The following MARCHF3 variants were observed in gnomAD, a reference collection of about 807,000 sequenced individuals.
MARCHF3 encodes membrane associated ring-CH-type finger 3.
MARCHF3 carries 13 observed loss-of-function variants against 24.2 expected under a neutral mutation model. That is an observed-to-expected ratio of 0.54 (90% CI 0.35 to 0.85). MARCHF3 has a LOEUF of 0.85. Among genes scored for constraint, MARCHF3 ranks in the 40% least tolerant of loss-of-function variants. The pLI, the probability that MARCHF3 is intolerant of heterozygous loss-of-function variation, is 0.01. For synonymous variants in MARCHF3, 144 were observed against 137.3 expected (o/e 1.05, Z -0.34); for missense variants, 276 against 325.0 (o/e 0.85, Z 1.16).
Position 126,899,933 on chromosome 5 carries a change from C to T in MARCHF3, c.393+14997G>A, listed in dbSNP as rs376217149. On this transcript the variant is annotated intron_variant, in intron 3 of 4. Coordinates refer to ENST00000308660, the MANE Select transcript of MARCHF3 (RefSeq NM_178450.5). ...CTACCTTGACACATCATCACCAAAG[C>T]TCATGCCTTACATTAGAGTTAACTC... Among the ~76,000 whole-genome samples the T allele has an allele frequency of 4.7e-4, 71 of 152,162 alleles. No homozygotes were observed. The South Asian group carries it at 0.015, about 32-fold the overall frequency.
intron 4 of MARCHF3, among the ~76,000 whole-genome samples, chr5:126,877,821 A>G (rs1420042724): frequency 6.6e-6 from 1 of 152,208 alleles, no homozygotes; most frequent in Non-Finnish European, 1.5e-5. Context: ...TTCATAATAT[A>G]CTACAATCCC....
intron 1 of MARCHF3, among the ~76,000 whole-genome samples, chr5:126,933,654 C>A (rs1749547528): frequency 6.6e-6 from 1 of 152,114 alleles, no homozygotes; most frequent in Non-Finnish European, 1.5e-5. Context: ...CCGTGTTAGC[C>A]AGGATGGTCT....
At position 126,878,239 on chromosome 5, in the gene MARCHF3, G is replaced by T; in HGVS notation, c.549C>A (p.Val183=). ...GTGCGACAGTGAGTGCAATCAGTCC[G>T]ACGGCTTCCAGCCGACTACTAAAGT... is the stretch of plus-strand genomic sequence containing the variant. ...HLHFSSRLEA[V]GLIALTVALF... Residue 183 remains valine (V), a synonymous_variant, in exon 4 of 5, where the codon GTC becomes GTA. Coordinates refer to ENST00000308660, the MANE Select transcript of MARCHF3 (RefSeq NM_178450.5). 1 of 1,614,242 alleles carries T rather than the reference G, an allele frequency of 6.2e-7. No individual in the cohort carries two copies. Among genetic ancestry groups the T allele is most frequent in the Non-Finnish European group, 8.5e-7 (1 of 1,180,044 alleles).
intron 1 of MARCHF3, among the ~76,000 whole-genome samples, chr5:126,945,439 G>A (rs1291766510): frequency 6.6e-6 from 1 of 152,230 alleles, no homozygotes; most frequent in Non-Finnish European, 1.5e-5. Context: ...GTGTCCTGGA[G>A]GAAATGAGGT....
intron 1 of MARCHF3, among the ~76,000 whole-genome samples, chr5:127,008,190 G>A (rs1032690528): frequency 4.6e-5 from 7 of 152,096 alleles, no homozygotes; most frequent in African/African-American, 1.7e-4. Flanking sequence ...CTCCACTCTG[G>A]AAACCTTGGT....
chr5:126,891,278 A>C, intron 3 of MARCHF3, among the ~76,000 whole-genome samples: 1 of 150,700 alleles, frequency 6.6e-6, no homozygotes, highest in Non-Finnish European at 1.5e-5. Flanking sequence ...GCTGTGCAGA[A>C]GCTCTTTAGT....
chr5:126,962,580 T>C (rs13183439), intron 1 of MARCHF3, among the ~76,000 whole-genome samples: 8,783 of 152,204 alleles, frequency 0.058, 332 homozygotes, highest in Non-Finnish European at 0.088. Context: ...TGCATTCTGA[T>C]AGTTCAATAT....
chr5:126,967,467 C>A (rs1321631966), intron 1 of MARCHF3, among the ~76,000 whole-genome samples: 1 of 152,088 alleles, frequency 6.6e-6, no homozygotes, highest in Non-Finnish European at 1.5e-5. Flanking sequence ...CCGAGGCAGG[C>A]GGATCACCTG....
intron 1 of MARCHF3, among the ~76,000 whole-genome samples, chr5:127,013,747 A>T (rs74858008): frequency 1.3e-5 from 2 of 152,194 alleles, no homozygotes. Context: ...TAATGAATCC[A>T]TCTATATAAG....
chr5:126,889,050 C>A (rs534835402), intron 3 of MARCHF3, among the ~76,000 whole-genome samples: 143 of 152,320 alleles, frequency 9.4e-4, no homozygotes, highest in Non-Finnish European at 1.8e-3. Flanking sequence ...CAGGTGTGAG[C>A]CACTGTGGCT....
At chr5:127,019,734 G>T (rs1752734630) in intron 1 of MARCHF3, among the ~76,000 whole-genome samples, 1 of 152,172 alleles carries the variant, frequency 6.6e-6, no homozygotes, top group South Asian at 2.1e-4. Context: ...AACCAATCCT[G>T]CCACCTGCCT....
intron 2 of MARCHF3, 119 bp from the exon 3 acceptor site, chr5:126,915,253 G>T (rs1329662241): frequency 2.2e-6 from 2 of 913,798 alleles, no homozygotes; most frequent in African/African-American, 1.7e-5. Flanking sequence ...AGACCTCTTA[G>T]ATCTACACTT....
At chr5:126,960,760 A>G (rs1055907478) in intron 1 of MARCHF3, among the ~76,000 whole-genome samples, 16 of 152,154 alleles carry the variant, frequency 1.1e-4, no homozygotes, top group African/African-American at 3.9e-4. Context: ...ATGCATTAAA[A>G]AAGAGAGAAC....
intron 3 of MARCHF3, among the ~76,000 whole-genome samples, chr5:126,906,320 G>T (rs1754294853): frequency 6.6e-6 from 1 of 152,314 alleles, no homozygotes; most frequent in East Asian, 1.9e-4. Context: ...TCAGGATGAT[G>T]CTGACCTCAT....
intron 1 of MARCHF3, among the ~76,000 whole-genome samples, chr5:126,987,029 A>G (rs1212845797): frequency 6.6e-6 from 1 of 152,190 alleles, no homozygotes. Context: ...CTGTGAGGGT[A>G]TTTGTGGATG....
At chr5:126,889,600 AG>A (rs2126774305) in intron 3 of MARCHF3, among the ~76,000 whole-genome samples, 1 of 152,248 alleles carries the variant, frequency 6.6e-6, no homozygotes, top group East Asian at 1.9e-4. Context: ...ACTTTGAAAA[AG>A]GGGAAATTTC....
In MARCHF3 at chr5:126,878,360, C is replaced by T. The variant is rs138413676; in HGVS notation, c.428G>A (p.Arg143Gln). ...LRNPGPQHEK[R>Q]TLFGDMVCFL... ...GCACACCATGTCGCCAAACAGAGTC[C>T]GCTTCTCATGCTGGGGGCCAGGGTT... The change falls in exon 4 of 5, where the codon CGG becomes CAG. Residue 143 changes from arginine to glutamine, a missense_variant. Coordinates refer to ENST00000308660, the MANE Select transcript of MARCHF3 (RefSeq NM_178450.5). The T allele has an allele frequency of 1.3e-4, 214 of 1,613,860 alleles. No individual in the cohort carries two copies. The highest frequency in any genetic ancestry group is 3.5e-4 in the African/African-American group (26 of 74,914).
At position 126,868,834 on chromosome 5, in the gene MARCHF3, G is replaced by T. The variant is rs747784713; in HGVS notation, c.*1799C>A. The T allele has an allele frequency of 1.3e-5, 2 of 152,230 alleles. No homozygotes were observed. Among genetic ancestry groups the T allele is most frequent in the Non-Finnish European group, 2.9e-5 (2 of 68,074 alleles). 9.4% of individuals were successfully genotyped at this position (152,230 alleles called of 1,614,324 possible). ...TGGAAATTTAATGTGTGGCAGCTGC[G>T]TGCAGCCGGTGATGTCCAGCATTTT... is the stretch of plus-strand genomic sequence containing the variant. On this transcript the variant is annotated 3_prime_UTR_variant, in exon 5 of 5. Transcript: ENST00000308660.
intron 4 of MARCHF3, among the ~76,000 whole-genome samples, chr5:126,873,003 A>G (rs1239704086): frequency 6.6e-6 from 1 of 152,158 alleles, no homozygotes; most frequent in African/African-American, 2.4e-5. Context: ...TTATACTAAT[A>G]AGGAACTTTG....
Sources: gnomAD v4.1 joint callset for allele counts (sites outside exome capture counted in the v4.1 genomes callset) on GRCh38, gnomAD v4.1.1 for gene constraint, MANE v1.5 for transcripts, NCBI Gene and HGNC (gene_info 2026-07-23, HGNC 2026-07-21) for gene names.